Variants in SLIRP observed in about 807,000 individuals in gnomAD.
SLIRP encodes SRA stem-loop-interacting RNA-binding protein, mitochondrial.
A neutral mutation model predicts 13.4 loss-of-function variants in SLIRP; 12 were observed. The ratio of observed to expected loss-of-function variants is 0.89; its 90% CI spans 0.57 to 1.45. The LOEUF is 1.45. SLIRP is among the 40% of genes most tolerant of loss of function. SLIRP has a pLI of 0.00. For synonymous variants in SLIRP, 55 were observed against 47.1 expected, an observed-to-expected ratio of 1.17 and a Z score of -0.69; for missense variants, 154 against 132.2, an observed-to-expected ratio of 1.17 and a Z score of -0.81.
In SLIRP at chr14:77,717,525, TC is replaced by T. The variant is rs1342904527; in HGVS notation, c.296del (p.Pro99ArgfsTer17). On this transcript the variant is annotated frameshift_variant, in exon 4 of 4. Coordinates refer to ENST00000557342, the MANE Select transcript of SLIRP (RefSeq NM_031210.6). LOFTEE classifies it high-confidence loss of function. ...AGGTTCACACTAGAAGGCCAAAACTTCCGCAAACATCTGATGATGAAAAGAA... is the reference window on the plus strand; with the variant it reads ...AGGTTCACACTAGAAGGCCAAAACTTCGCAAACATCTGATGATGAAAAGAA... ...VQVHTRRPKL[P>X]QTSDDEKKDF The T allele has an allele frequency of 6.2e-6, 10 of 1,613,998 alleles. No homozygotes were observed. The highest frequency in any genetic ancestry group is 8.5e-6 in the Non-Finnish European group (10 of 1,180,028).
chr14:77,714,767 C>G (rs1323591052), intron 2 of SLIRP, among the ~76,000 whole-genome samples: 1 of 152,116 alleles, frequency 6.6e-6, no homozygotes, highest in Non-Finnish European at 1.5e-5. Flanking sequence ...AGTAGAGGAG[C>G]AATTGTAAGA....
intron 3 of SLIRP, among the ~76,000 whole-genome samples, chr14:77,716,510 G>C (rs1002513221): frequency 2.6e-5 from 4 of 151,180 alleles, no homozygotes; most frequent in African/African-American, 9.7e-5. Flanking sequence ...AATTAGATGG[G>C]CGTGGTGGCA....
At chr14:77,716,765 CT>C (rs1218332281) in intron 3 of SLIRP, among the ~76,000 whole-genome samples, 3 of 151,350 alleles carry the variant, frequency 2.0e-5, no homozygotes, top group Non-Finnish European at 4.4e-5. Context: ...TAACAGTCTA[CT>C]TTTCTTTTTT....
intron 2 of SLIRP, among the ~76,000 whole-genome samples, chr14:77,712,242 C>T (rs1421955161): frequency 1.3e-5 from 2 of 150,416 alleles, no homozygotes; most frequent in African/African-American, 2.4e-5. Context: ...AAAAGACTGA[C>T]TTGCAAGCTC....
intron 3 of SLIRP, 23 bp from the exon 4 acceptor site, chr14:77,717,473 C>T (rs369255742): frequency 1.5e-5 from 24 of 1,608,474 alleles, no homozygotes; most frequent in Non-Finnish European, 2.0e-5. Context: ...CCTTTCCTCC[C>T]TTACAGTGCT....
chr14:77,713,659 A>G (rs1396203666), intron 2 of SLIRP, among the ~76,000 whole-genome samples: 3 of 152,246 alleles, frequency 2.0e-5, no homozygotes, highest in Non-Finnish European at 4.4e-5. Context: ...CCAAAGCAGC[A>G]TTATTTAATG....
intron 3 of SLIRP, among the ~76,000 whole-genome samples, chr14:77,717,237 C>G (rs2080493107): frequency 6.6e-6 from 1 of 152,212 alleles, no homozygotes; most frequent in South Asian, 2.1e-4. Flanking sequence ...ATCCTCTTGC[C>G]TCAGCTTGCC....
intron 2 of SLIRP, 43 bp from the exon 3 acceptor site, chr14:77,715,729 C>A (rs2080471278): frequency 1.3e-6 from 2 of 1,522,926 alleles, no homozygotes; most frequent in East Asian, 4.5e-5. Context: ...TGGAAACTTT[C>A]TGAAGTTCAT....
chr14:77,717,533 C>A lies in SLIRP; in HGVS notation c.302C>A (p.Thr101Lys). The change falls in exon 4 of 4, where the codon ACA becomes AAA. Residue 101 changes from threonine (T) to lysine (K), a missense_variant. By Grantham distance (78) the Thr-to-Lys change is moderately conservative. Transcript: ENST00000557342. ...VHTRRPKLPQ[T>K]SDDEKKDF ...ACTAGAAGGCCAAAACTTCCGCAAA[C>A]ATCTGATGATGAAAAGAAAGATTTT... is the stretch of plus-strand genomic sequence containing the variant. The A allele has an allele frequency of 1.9e-6, 3 of 1,614,064 alleles. No individual in the cohort carries two copies. The South Asian group carries it at 3.3e-5, about 18-fold the overall frequency.
intron 1 of SLIRP, 192 bp from the exon 2 acceptor site, chr14:77,710,646 C>T (rs1330394850): frequency 2.6e-6 from 4 of 1,527,828 alleles, no homozygotes; most frequent in Non-Finnish European, 3.5e-6. Flanking sequence ...ACTTCTCTGT[C>T]CATCTCACCA....
rs186317398 is a variant in SLIRP at position 77,715,918 on chromosome 14, A to G, written c.264+39A>G. ...TATGCCAGATACATACATGATATAC[A>G]TGTAGGTACTATTTAATTATGTATC... On this transcript the variant is annotated intron_variant, in intron 3 of 3. Transcript: ENST00000557342. The G allele has an allele frequency of 7.1e-3, 9,953 of 1,393,490 alleles. 137 individuals are homozygous for G. The highest frequency in any genetic ancestry group is 7.1e-3 in the Middle Eastern group (40 of 5,638). 86.3% of individuals were successfully genotyped at this position (1,393,490 alleles called of 1,614,324 possible).
intron 1 of SLIRP, 122 bp from the exon 2 acceptor site, chr14:77,710,716 C>G (rs971212460): frequency 2.5e-6 from 4 of 1,574,472 alleles, no homozygotes; most frequent in South Asian, 2.2e-5. Context: ...AAATCTTAAG[C>G]CTTTAAGGAA....
intron 3 of SLIRP, 133 bp downstream of exon 3, chr14:77,716,012 C>G (rs2080474790): frequency 1.3e-6 from 1 of 774,766 alleles, no homozygotes; most frequent in African/African-American, 1.8e-5. Context: ...TGCCTTAATG[C>G]TTGTTAAGAA....
chr14:77,709,757 CAT>C (rs2080426199), intron 1 of SLIRP, among the ~76,000 whole-genome samples: 2 of 152,118 alleles, frequency 1.3e-5, no homozygotes, highest in Non-Finnish European at 1.5e-5. Flanking sequence ...TGGTATAAAA[CAT>C]ATGTTTAACA....
chr14:77,710,551 A>G (rs753927344), intron 1 of SLIRP: 110 of 1,426,878 alleles, frequency 7.7e-5, no homozygotes, highest in Non-Finnish European at 9.8e-5. Context: ...TGATCTGCTC[A>G]CAGGGATCAT....
At chr14:77,716,785 G>A (rs1196518299) in intron 3 of SLIRP, among the ~76,000 whole-genome samples, 2 of 151,784 alleles carry the variant, frequency 1.3e-5, no homozygotes, top group East Asian at 3.9e-4. Context: ...TTCTTTTTGA[G>A]AGTCTTGCTC....
intron 3 of SLIRP, among the ~76,000 whole-genome samples, chr14:77,717,021 T>C (rs1006600369): frequency 6.6e-6 from 1 of 152,138 alleles, no homozygotes; most frequent in African/African-American, 2.4e-5. Context: ...CACCTCGGCC[T>C]CCCAAAGTGC....
intron 2 of SLIRP, 118 bp from the exon 3 acceptor site, chr14:77,715,654 T>G: frequency 3.6e-6 from 3 of 826,714 alleles, no homozygotes; most frequent in Non-Finnish European, 5.7e-6. Context: ...AAAAATAAAA[T>G]AAAATTAAAT....
In SLIRP at chr14:77,716,872, C is replaced by G. The variant is rs572085905; in HGVS notation, c.265-624C>G. Among the ~76,000 whole-genome samples the G allele has an allele frequency of 7.1e-4, 108 of 152,156 alleles. 1 individual carries two copies. The highest frequency in any genetic ancestry group is 3.1e-3 in the Admixed American group (48 of 15,294). ...CGCCTCCTGGGTTCAAGCGATTCTC[C>G]TGCCTCAACCTCCCGAGTAGCTGGG... On this transcript the variant is annotated intron_variant, in intron 3 of 3. Coordinates refer to ENST00000557342, the MANE Select transcript of SLIRP (RefSeq NM_031210.6).
Sources: allele counts gnomAD v4.1 joint callset (sites outside exome capture counted in the v4.1 genomes callset), GRCh38; gene constraint gnomAD v4.1.1; transcripts MANE v1.5; gene names NCBI Gene and HGNC (gene_info 2026-07-23, HGNC 2026-07-21).